ADCY2: variants seen among roughly 807,000 people sequenced by gnomAD.
ADCY2 encodes the protein adenylate cyclase 2.
ADCY2 carries 31 observed loss-of-function variants against 125.2 expected under a neutral mutation model. The observed-to-expected ratio is 0.25, with a 90% CI of 0.19 to 0.33. The LOEUF (loss-of-function observed/expected upper bound fraction) is 0.33, where lower values mean the gene tolerates loss of function less well. Among genes scored for constraint, ADCY2 ranks in the 10% least tolerant of loss-of-function variants. ADCY2 has a pLI of 1.00. For synonymous variants in ADCY2, 512 were observed against 548.4 expected (o/e 0.93, Z 0.93); for missense variants, 904 against 1,418.2 (o/e 0.64, Z 5.82).
chr5:7,562,964 T>A (rs914392667), intron 3 of ADCY2, among the ~76,000 whole-genome samples: 3 of 152,204 alleles, frequency 2.0e-5, no homozygotes, highest in Non-Finnish European at 4.4e-5. Flanking sequence ...TTAATTTTTT[T>A]AAATTCTGTA....
At chr5:7,577,394 C>T (rs929713118) in intron 3 of ADCY2, among the ~76,000 whole-genome samples, 2 of 152,194 alleles carry the variant, frequency 1.3e-5, no homozygotes, top group Non-Finnish European at 2.9e-5. Context: ...AACAATTTTA[C>T]TATCCATCAA....
intron 3 of ADCY2, among the ~76,000 whole-genome samples, chr5:7,611,872 C>G (rs571976026): frequency 6.6e-6 from 1 of 152,286 alleles, no homozygotes; most frequent in East Asian, 1.9e-4. Flanking sequence ...CAAAGCTCAT[C>G]TAGGCACAAC....
chr5:7,669,440 G>A (rs1233914368), intron 4 of ADCY2, among the ~76,000 whole-genome samples: 1 of 152,062 alleles, frequency 6.6e-6, no homozygotes, highest in Non-Finnish European at 1.5e-5. Flanking sequence ...TGGGTGCATT[G>A]GGATCACATT....
chr5:7,786,046 T>G (rs1224510461), intron 19 of ADCY2, among the ~76,000 whole-genome samples: 1 of 152,240 alleles, frequency 6.6e-6, no homozygotes, highest in Non-Finnish European at 1.5e-5. Context: ...CATTCCATTT[T>G]TGTCTTTAGT....
At chr5:7,616,953 T>C (rs890177464) in intron 3 of ADCY2, among the ~76,000 whole-genome samples, 2 of 152,170 alleles carry the variant, frequency 1.3e-5, no homozygotes, top group Non-Finnish European at 2.9e-5. Context: ...AGAGACCCTG[T>C]GAGGTCACTG....
rs778642419 is a variant in ADCY2, at chr5:7,709,225, C to A, written c.1416C>A (p.Ser472Arg). 1 of 1,609,924 alleles carries A rather than the reference C, an allele frequency of 6.2e-7. No individual in the cohort carries two copies. The highest frequency in any genetic ancestry group is 8.5e-7 in the Non-Finnish European group (1 of 1,178,146). Residue 472 changes from serine to arginine, a missense_variant, in exon 10 of 25, where the codon AGC becomes AGA. Physicochemically the swap from Ser to Arg is moderately radical, Grantham distance 110. Around this residue, in one of 7 missense-constraint regions of ADCY2, gnomAD observed 144 missense variants for 227.7 expected, o/e 0.63. Transcript: ENST00000338316. This position sits in a 1 kb window ranked among gnomAD's most constrained non-coding sequence, Gnocchi z 4.4. ...FVINPKGERR[S>R]PQHLFRPRHT... ...CTCACCCCAAGGGAGAACGACGGAG[C>A]CCCCAGCATCTCTTCAGACCTCGCC...
At chr5:7,446,484 C>A (rs1741255346) in intron 2 of ADCY2, among the ~76,000 whole-genome samples, 1 of 151,950 alleles carries the variant, frequency 6.6e-6, no homozygotes, top group African/African-American at 2.4e-5. Context: ...TTGCTTGAGG[C>A]CAAGAATTCA....
chr5:7,683,155 AATGGCCTTGCC>A (rs1221736848), intron 4 of ADCY2, among the ~76,000 whole-genome samples: 2 of 152,292 alleles, frequency 1.3e-5, no homozygotes, highest in South Asian at 4.1e-4. Context: ...TCACAGGTGG[AATGGCCTTGCC>A]AAGGCTCAAC....
At chr5:7,658,833 C>G (rs189643668) in intron 4 of ADCY2, among the ~76,000 whole-genome samples, 1 of 152,262 alleles carries the variant, frequency 6.6e-6, no homozygotes, top group African/African-American at 2.4e-5. Flanking sequence ...AGTTCAAAGC[C>G]CGTTCACTGC....
Position 7,827,060 on chromosome 5 carries a change from G to T in ADCY2, c.*189G>T. On this transcript the variant is annotated 3_prime_UTR_variant, in exon 25 of 25. Coordinates refer to ENST00000338316, the MANE Select transcript of ADCY2 (RefSeq NM_020546.3). Reference sequence around the variant, plus strand: ...GTGTGCCCAGATCGTTCTGCCACTTGCACTGTGCTTGCTCCTAAGCAAAAG... The same window carrying T: ...GTGTGCCCAGATCGTTCTGCCACTTTCACTGTGCTTGCTCCTAAGCAAAAG... The T allele has an allele frequency of 3.0e-6, 2 of 673,718 alleles. No individual in the cohort carries two copies. The highest frequency in any genetic ancestry group is 4.8e-6 in the Non-Finnish European group (2 of 416,100). The allele number at this position is 673,718 out of a possible 1,614,324, so 41.7% of individuals were successfully genotyped here.
chr5:7,462,233 T>C (rs886904294), intron 2 of ADCY2, among the ~76,000 whole-genome samples: 3 of 152,238 alleles, frequency 2.0e-5, no homozygotes, highest in Admixed American at 2.0e-4. Context: ...TCTAACCTTA[T>C]TATTTTCAAG....
intron 24 of ADCY2, among the ~76,000 whole-genome samples, chr5:7,821,458 G>A (rs1380913442): frequency 1.3e-5 from 2 of 152,130 alleles, no homozygotes; most frequent in Admixed American, 6.5e-5. Context: ...GGAAGAGCGG[G>A]AAGAGAAACA....
At chr5:7,637,079 A>G (rs1483313798) in intron 4 of ADCY2, among the ~76,000 whole-genome samples, 2 of 152,126 alleles carry the variant, frequency 1.3e-5, no homozygotes, top group Non-Finnish European at 2.9e-5. Flanking sequence ...AATTATTTCT[A>G]ATTTATTATA....
At chr5:7,638,188 A>AT (rs1377407465) in intron 4 of ADCY2, among the ~76,000 whole-genome samples, 4 of 152,106 alleles carry the variant, frequency 2.6e-5, no homozygotes, top group Non-Finnish European at 4.4e-5. Flanking sequence ...GTTATCATAT[A>AT]TTTTTTTGTG....
intron 2 of ADCY2, among the ~76,000 whole-genome samples, chr5:7,513,135 A>C (rs1445629829): frequency 1.3e-5 from 2 of 151,404 alleles, no homozygotes; most frequent in Non-Finnish European, 1.5e-5. Context: ...AGAGAGCAAG[A>C]GAGAGAGAGA....
chr5:7,718,145 A>ATTTTTTTTTTTTT (rs59353850), intron 12 of ADCY2, among the ~76,000 whole-genome samples: 1 of 115,418 alleles, frequency 8.7e-6, no homozygotes, highest in Non-Finnish European at 1.7e-5. Context: ...CCTGTTTTAG[A>ATTTTTTTTTTTTT]TTTTTTTTTT....
At chr5:7,493,292 C>T (rs921744161) in intron 2 of ADCY2, among the ~76,000 whole-genome samples, 29 of 152,080 alleles carry the variant, frequency 1.9e-4, no homozygotes, top group African/African-American at 7.0e-4. Flanking sequence ...CCAAAAGGTT[C>T]TCAGCAGGGC....
intron 14 of ADCY2, among the ~76,000 whole-genome samples, chr5:7,740,620 T>C (rs1224991282): frequency 6.6e-6 from 1 of 152,020 alleles, no homozygotes; most frequent in Non-Finnish European, 1.5e-5. Context: ...GAGGCCACAA[T>C]CTCTGATAAA....
In ADCY2 at chr5:7,645,064, A is replaced by G. The variant is rs11742896; in HGVS notation, c.720+18748A>G. 8.3e-3 allele frequency among the ~76,000 whole-genome samples: 1,269 copies of G among 152,250 alleles called. 9 individuals are homozygous for G. Among genetic ancestry groups the G allele is most frequent in the Non-Finnish European group, 0.013 (917 of 67,994 alleles). ...GGTTGTGAATCCTTAGAAACCCTTG[A>G]TAACTGTGTGTCCTTAGGAAAGTTA... On this transcript the variant is annotated intron_variant, in intron 4 of 24. Transcript: ENST00000338316.
Sources: gnomAD v4.1 joint callset for allele counts (sites outside exome capture counted in the v4.1 genomes callset) on GRCh38, gnomAD v4.1.1 for gene constraint, gnomAD v4.1.1 regional missense constraint, Gnocchi (gnomAD v3.1) non-coding constraint, MANE v1.5 for transcripts, NCBI Gene and HGNC (gene_info 2026-07-23, HGNC 2026-07-21) for gene names.